LRFN5: variants seen among roughly 807,000 people sequenced by gnomAD.
LRFN5 encodes leucine-rich repeat and fibronectin type-III domain-containing protein 5.
Under a neutral mutation model 45.6 loss-of-function variants are expected in LRFN5, and 24 were observed. The observed-to-expected ratio is 0.53, with a 90% CI of 0.38 to 0.74. The LOEUF (loss-of-function observed/expected upper bound fraction) is 0.74, where lower values mean the gene tolerates loss of function less well. Among genes scored for constraint, LRFN5 ranks in the 30% least tolerant of loss-of-function variants. The probability of loss-of-function intolerance (pLI) is 0.00; values close to 1 mark genes in which losing one functional copy is unlikely to be tolerated. For synonymous variants in LRFN5, 340 were observed against 313.8 expected (o/e 1.08, Z -0.88); for missense variants, 776 against 861.5 (o/e 0.90, Z 1.24).
intron 1 of LRFN5, among the ~76,000 whole-genome samples, chr14:41,641,805 T>G (rs1016264368): frequency 2.0e-5 from 3 of 152,152 alleles, no homozygotes; most frequent in Non-Finnish European, 4.4e-5. Flanking sequence ...AAATGAAGTT[T>G]TGAAACTTTA....
At chr14:41,743,613 A>G (rs1884798927) in intron 1 of LRFN5, among the ~76,000 whole-genome samples, 1 of 152,208 alleles carries the variant, frequency 6.6e-6, no homozygotes, top group Admixed American at 6.6e-5. Context: ...GTTGTATTCC[A>G]CTGCATGGGT....
intron 4 of LRFN5, among the ~76,000 whole-genome samples, chr14:41,896,591 G>A (rs1890946838): frequency 6.6e-6 from 1 of 151,966 alleles, no homozygotes; most frequent in South Asian, 2.1e-4. Flanking sequence ...TTTTGAAATG[G>A]CATTCAGAAA....
chr14:41,813,176 C>A (rs1308273239), intron 2 of LRFN5, among the ~76,000 whole-genome samples: 1 of 152,034 alleles, frequency 6.6e-6, no homozygotes. Context: ...AGAACAATTA[C>A]ATTAACAATT....
At chr14:41,649,956 T>G (rs1323055151) in intron 1 of LRFN5, among the ~76,000 whole-genome samples, 2 of 152,154 alleles carry the variant, frequency 1.3e-5, no homozygotes, top group African/African-American at 4.8e-5. Context: ...ATAGAATATA[T>G]GTATTTTTAA....
chr14:41,781,293 A>G (rs1294689990), intron 2 of LRFN5, among the ~76,000 whole-genome samples: 13 of 151,996 alleles, frequency 8.6e-5, no homozygotes, highest in Admixed American at 7.9e-4. Flanking sequence ...AGGCTGAAGC[A>G]GTAGGATTGC....
At chr14:41,618,576 T>C (rs1888000441) in intron 1 of LRFN5, among the ~76,000 whole-genome samples, 1 of 152,110 alleles carries the variant, frequency 6.6e-6, no homozygotes, top group Non-Finnish European at 1.5e-5. Flanking sequence ...AGTCAGAAGA[T>C]TGACCCCAGG....
At chr14:41,893,905 G>T in intron 4 of LRFN5, 3 of 985,238 alleles carry the variant, frequency 3.0e-6, no homozygotes, top group Non-Finnish European at 3.6e-6. Context: ...AATAGATGAG[G>T]TCACATGTGG....
intron 1 of LRFN5, among the ~76,000 whole-genome samples, chr14:41,706,280 A>G (rs1054180896): frequency 2.0e-5 from 3 of 151,908 alleles, no homozygotes; most frequent in Non-Finnish European, 2.9e-5. Context: ...TTGTATTTTT[A>G]GTAGAGACAG....
intron 1 of LRFN5, among the ~76,000 whole-genome samples, chr14:41,633,156 A>G (rs1888609065): frequency 1.4e-5 from 2 of 145,876 alleles, no homozygotes; most frequent in South Asian, 4.1e-4. Context: ...CACAAAATAC[A>G]GCATAATAAA....
chr14:41,751,632 A>T (rs1885136199), intron 1 of LRFN5, among the ~76,000 whole-genome samples: 1 of 152,098 alleles, frequency 6.6e-6, no homozygotes, highest in Non-Finnish European at 1.5e-5. Context: ...GGATGCAGAG[A>T]AGTCAGTTTG....
At chr14:41,734,316 T>TTATTTATATATATATATATATATATATA (rs1441190358) in intron 1 of LRFN5, among the ~76,000 whole-genome samples, 2 of 38,798 alleles carry the variant, frequency 5.2e-5, no homozygotes, top group African/African-American at 1.1e-4. Context: ...TGGACTGGTT[T>TTATTTATATATATATATATATATATATA]TATATATATA....
chr14:41,638,999 G>C (rs1879436979), intron 1 of LRFN5, among the ~76,000 whole-genome samples: 1 of 151,934 alleles, frequency 6.6e-6, no homozygotes, highest in Non-Finnish European at 1.5e-5. Flanking sequence ...AGGTAGAAAA[G>C]GTTGGTGTCA....
At chr14:41,744,882 G>C (rs1425692440) in intron 1 of LRFN5, among the ~76,000 whole-genome samples, 2 of 152,024 alleles carry the variant, frequency 1.3e-5, no homozygotes, top group Non-Finnish European at 2.9e-5. Context: ...GTAATTGACT[G>C]TAAAAATATA....
intron 1 of LRFN5, among the ~76,000 whole-genome samples, chr14:41,673,615 C>G (rs1311732185): frequency 7.3e-6 from 1 of 136,228 alleles, no homozygotes; most frequent in East Asian, 2.3e-4. Context: ...GCTGGCCGGG[C>G]AGGGGACTGA....
rs1891193913 is a variant in LRFN5 at position 41,904,395 on chromosome 14, C to A, written c.*220C>A. 2 of 465,872 alleles carry A rather than the reference C, an allele frequency of 4.3e-6. No homozygotes were observed. The highest frequency in any genetic ancestry group is 6.5e-5 in the East Asian group (2 of 30,566). 28.9% of individuals were successfully genotyped at this position (465,872 alleles called of 1,614,324 possible). On this transcript the variant is annotated 3_prime_UTR_variant, in exon 6 of 6. Transcript: ENST00000298119. ...AAAACCAAATTTTTTTTTCTTCTGG[C>A]CTACAAGTATTTTTTTTTTAAAAAA...
chr14:41,879,008 A>T (rs976458863), intron 2 of LRFN5, among the ~76,000 whole-genome samples: 1 of 152,082 alleles, frequency 6.6e-6, no homozygotes, highest in African/African-American at 2.4e-5. Flanking sequence ...GGGAAAAATC[A>T]TTAATCACAA....
chr14:41,878,351 C>A (rs1290182559), intron 2 of LRFN5, among the ~76,000 whole-genome samples: 1 of 152,088 alleles, frequency 6.6e-6, no homozygotes, highest in Non-Finnish European at 1.5e-5. Flanking sequence ...AGCCCAATAG[C>A]TTTCCTTTAA....
intron 2 of LRFN5, among the ~76,000 whole-genome samples, chr14:41,862,114 A>C (rs1435582908): frequency 6.6e-6 from 1 of 152,090 alleles, no homozygotes; most frequent in African/African-American, 2.4e-5. Context: ...GTTTTCTGAG[A>C]CCTCTCCAGC....
intron 2 of LRFN5, among the ~76,000 whole-genome samples, chr14:41,851,915 G>T (rs955741509): frequency 6.6e-6 from 1 of 151,376 alleles, no homozygotes; most frequent in African/African-American, 2.4e-5. Context: ...ATCAAGCTTT[G>T]GTATAGAAAC....
Sources: gnomAD v4.1 joint callset for allele counts (sites outside exome capture counted in the v4.1 genomes callset) on GRCh38, gnomAD v4.1.1 for gene constraint, MANE v1.5 for transcripts, NCBI Gene and HGNC (gene_info 2026-07-23, HGNC 2026-07-21) for gene names.